Variants in RAVER1 observed in about 807,000 individuals in gnomAD.
RAVER1 encodes the protein ribonucleoprotein PTB-binding 1.
Under a neutral mutation model 68.4 loss-of-function variants are expected in RAVER1, and 36 were observed. The ratio of observed to expected loss-of-function variants is 0.53; its 90% CI spans 0.40 to 0.70. RAVER1 has a LOEUF of 0.70. RAVER1 is among the 30% of genes least tolerant of loss of function. RAVER1 has a pLI of 0.00. For synonymous variants in RAVER1, 469 were observed against 472.7 expected (o/e 0.99, Z 0.10); for missense variants, 933 against 1,019.8 (o/e 0.91, Z 1.16).
Position 10,323,151 on chromosome 19 carries a change from TC to T in RAVER1, c.1071del (p.Lys358SerfsTer149), listed in dbSNP as rs773370779. On this transcript the variant is annotated frameshift_variant, in exon 5 of 13. Coordinates refer to ENST00000617231, the MANE Select transcript of RAVER1 (RefSeq NM_133452.3). LOFTEE classifies it high-confidence loss of function. The surrounding 1 kb of genome is among the most constrained non-coding windows in gnomAD (Gnocchi z 6.2). ...CTGTCCAGCCCCACCTTACCCTGCTTCCCCCCCGCACTGCCATGGAGCAGGG... is the reference window on the plus strand; with the variant it reads ...CTGTCCAGCCCCACCTTACCCTGCTTCCCCCCGCACTGCCATGGAGCAGGG... ...LNPLLHGSAG[G>X]KQGLLGAPPA... The T allele has an allele frequency of 7.5e-6, 12 of 1,595,002 alleles. No homozygotes were observed. The highest frequency in any genetic ancestry group is 1.8e-5 in the Admixed American group (1 of 56,688).
At position 10,333,170 on chromosome 19, in the gene RAVER1, G is replaced by T; in HGVS notation, c.219+119C>A. ...TCTCTCCCGATCCCGCGTGGATCCG[G>T]TGCTTGGGCGCCCCCGCCAACGACC... On this transcript the variant is annotated intron_variant, in intron 1 of 12. Transcript: ENST00000617231. The surrounding 1 kb of genome is among the most constrained non-coding windows in gnomAD (Gnocchi z 4.2). 2.0e-6 allele frequency: 2 copies of T among 1,006,306 alleles called. No individual in the cohort carries two copies. The highest frequency in any genetic ancestry group is 3.3e-4 in the Middle Eastern group (1 of 3,072). The allele number at this position is 1,006,306 out of a possible 1,614,324, so 62.3% of individuals were successfully genotyped here.
At chr19:10,324,068 C>T (rs550305268) in intron 3 of RAVER1, among the ~76,000 whole-genome samples, 2 of 151,434 alleles carry the variant, frequency 1.3e-5, no homozygotes, top group Non-Finnish European at 2.9e-5. Context: ...GCAAGAGAGT[C>T]ACTTGAACCT....
chr19:10,328,507 G>GT lies in RAVER1; in HGVS notation c.756+134dup, dbSNP rs1293881483. On this transcript the variant is annotated intron_variant, in intron 3 of 12. Transcript: ENST00000617231. This position sits in a 1 kb window ranked among gnomAD's most constrained non-coding sequence, Gnocchi z 4.4. ...GCGGAGGTTGCAGTGAACTGAGATT[G>GT]TATCACTGCACTCCAGCATGGGTGA... The GT allele has an allele frequency of 1.1e-5, 7 of 632,358 alleles. No individual in the cohort carries two copies. The East Asian group carries it at 1.9e-4, about 17-fold the overall frequency. 39.2% of individuals were successfully genotyped at this position (632,358 alleles called of 1,614,324 possible). A position where few individuals can be genotyped will look rare whatever the true frequency, so the allele number is the denominator to read the frequency against.
In RAVER1 at chr19:10,322,243, T is replaced by C. The variant is rs281424; in HGVS notation, c.1173+402A>G. ...GTTTCTAGGTGTGCGTGTGTGTGTG[T>C]GCACACACTGAGGGGATAGACCTGG... On this transcript the variant is annotated intron_variant, in intron 6 of 12. Transcript: ENST00000617231. This position sits in a 1 kb window ranked among gnomAD's most constrained non-coding sequence, Gnocchi z 4.3. The C allele has an allele frequency of 0.74, 159,154 of 214,892 alleles. 59,601 individuals are homozygous for C. Among genetic ancestry groups the C allele is most frequent in the African/African-American group, 0.85 (35,939 of 42,416 alleles). The allele number at this position is 214,892 out of a possible 1,614,324, so 13.3% of individuals were successfully genotyped here. A position where few individuals can be genotyped will look rare whatever the true frequency, so the allele number is the denominator to read the frequency against.
rs569931807 is a variant in RAVER1 at position 10,321,172 on chromosome 19, C to T, written c.1349G>A (p.Arg450Gln). The T allele has an allele frequency of 8.7e-5, 112 of 1,286,734 alleles. No individual in the cohort carries two copies. In the Admixed American group the frequency reaches 1.2e-3, roughly 14 times the overall value. 79.7% of individuals were successfully genotyped at this position (1,286,734 alleles called of 1,614,324 possible). A position where few individuals can be genotyped will look rare whatever the true frequency, so the allele number is the denominator to read the frequency against. The change falls in exon 8 of 13, where the codon CGG becomes CAG. Residue 450 changes from arginine (R) to glutamine (Q), a missense_variant. By Grantham distance (43) the Arg-to-Gln change is conservative. Transcript: ENST00000617231. ...TGGGGGACCCAAGCCCAGGGCCTCC[C>T]GGTCACCCCCAGCAGGGCCAAGCAC... ...PSVLGPAGGDREALGLGPPAA... is the reference protein window; with the variant it reads ...PSVLGPAGGDQEALGLGPPAA...
rs767510405 is a variant in RAVER1 at position 10,317,434 on chromosome 19, T to C, written c.*20A>G. On this transcript the variant is annotated 3_prime_UTR_variant, in exon 13 of 13. Coordinates refer to ENST00000617231, the MANE Select transcript of RAVER1 (RefSeq NM_133452.3). The surrounding 1 kb of genome is among the most constrained non-coding windows in gnomAD (Gnocchi z 4.3). ...AAGCGATTTGGTGCAGGCCCTTGAG[T>C]TATCTCTGGTGCCAGCCACTTAGAA... 3.7e-6 allele frequency: 6 copies of C among 1,613,140 alleles called. No individual in the cohort carries two copies. Among genetic ancestry groups the C allele is most frequent in the Non-Finnish European group, 8.5e-7 (1 of 1,179,218 alleles).
At chr19:10,325,470 G>C (rs2040467967) in intron 3 of RAVER1, among the ~76,000 whole-genome samples, 1 of 151,854 alleles carries the variant, frequency 6.6e-6, no homozygotes, top group South Asian at 2.1e-4. Flanking sequence ...ACCTCGTGAT[G>C]CACCCACCTC....
Position 10,316,941 on chromosome 19 carries a change from T to G in RAVER1, c.*513A>C. ...AACAGCTGTTTCAAACCGCAAGGTG[T>G]GGAATGGTGGCCCGGACAGGCCGGG... On this transcript the variant is annotated 3_prime_UTR_variant, in exon 13 of 13. Coordinates refer to ENST00000617231, the MANE Select transcript of RAVER1 (RefSeq NM_133452.3). 1 of 162,218 alleles carries G rather than the reference T, an allele frequency of 6.2e-6. No individual in the cohort carries two copies. The highest frequency in any genetic ancestry group is 1.3e-5 in the Non-Finnish European group (1 of 75,204). 10.0% of individuals were successfully genotyped at this position (162,218 alleles called of 1,614,324 possible).
In RAVER1 at chr19:10,322,712, G is replaced by A. The variant is rs540122915; in HGVS notation, c.1106C>T (p.Pro369Leu). ...GGACAGGGCTGGCCCATTGAGCAGC[G>A]GCATGGCTGGGGGGGCACCCAGGAG... is the stretch of plus-strand genomic sequence containing the variant. Reference protein sequence around the residue: ...QGLLGAPPAMPLLNGPALSTA... With the variant: ...QGLLGAPPAMLLLNGPALSTA... The change falls in exon 6 of 13, where the codon CCG (proline) becomes CTG (leucine). Residue 369 changes from proline to leucine, a missense_variant. Transcript: ENST00000617231. The surrounding 1 kb of genome is among the most constrained non-coding windows in gnomAD (Gnocchi z 4.3). The A allele has an allele frequency of 1.5e-5, 23 of 1,520,898 alleles. No homozygotes were observed. The Admixed American group carries it at 3.4e-4, about 22-fold the overall frequency. The allele number at this position is 1,520,898 out of a possible 1,614,324, so 94.2% of individuals were successfully genotyped here.
rs956873251 is a variant in RAVER1, at chr19:10,322,284, A to G, written c.1173+361T>C. 6.0e-5 allele frequency: 16 copies of G among 267,862 alleles called. No homozygotes were observed. Among genetic ancestry groups the G allele is most frequent in the Non-Finnish European group, 9.1e-5 (13 of 142,374 alleles). The allele number at this position is 267,862 out of a possible 1,614,324, so 16.6% of individuals were successfully genotyped here. The stretch of plus-strand genomic sequence containing the variant: ...ATAGACCTGGAGTTTTTTCCCAGGC[A>G]TGTCTATAGAGCTTCCGAGCAGAGT... On this transcript the variant is annotated intron_variant, in intron 6 of 12. Transcript: ENST00000617231. The surrounding 1 kb of genome is among the most constrained non-coding windows in gnomAD (Gnocchi z 4.3).
Position 10,321,591 on chromosome 19 carries a change from G to A in RAVER1, c.1201C>T (p.Leu401=). 2 of 1,405,280 alleles carry A rather than the reference G, an allele frequency of 1.4e-6. No homozygotes were observed. The highest frequency in any genetic ancestry group is 3.7e-5 in the South Asian group (2 of 53,860). 87.1% of individuals were successfully genotyped at this position (1,405,280 alleles called of 1,614,324 possible). ...KKPGILGDSP[L]GALQPGAQPA... ...TGGGCCCCAGGCTGGAGGGCGCCCA[G>A]GGGTGAGTCTCCCAGGATGCCGGGC... The change falls in exon 7 of 13, where the codon CTG becomes TTG. Residue 401 remains leucine, a synonymous_variant. Coordinates refer to ENST00000617231, the MANE Select transcript of RAVER1 (RefSeq NM_133452.3).
At position 10,333,247 on chromosome 19, in the gene RAVER1, GTGGTATTTCCCGCCACGC is replaced by G; in HGVS notation, c.219+24_219+41del. The G allele has an allele frequency of 1.3e-6, 2 of 1,569,678 alleles. No homozygotes were observed. Among genetic ancestry groups the G allele is most frequent in the Non-Finnish European group, 8.7e-7 (1 of 1,150,920 alleles). On this transcript the variant is annotated intron_variant, in intron 1 of 12. Transcript: ENST00000617231. This position sits in a 1 kb window ranked among gnomAD's most constrained non-coding sequence, Gnocchi z 4.2. ...CCGGTTCCCCCCGCGCACGCGCACC[GTGGTATTTCCCGCCACGC>G]TCCTACACCGCCCCCCCCAATACCT... is the stretch of plus-strand genomic sequence containing the variant.
chr19:10,333,367 G>C lies in RAVER1; in HGVS notation c.141C>G (p.Arg47=). 1.2e-6 allele frequency: 2 copies of C among 1,613,912 alleles called. No individual in the cohort carries two copies. Among genetic ancestry groups the C allele is most frequent in the Non-Finnish European group, 1.7e-6 (2 of 1,179,794 alleles). Residue 47 remains arginine (R), a synonymous_variant, in exon 1 of 13, where the codon CGC becomes CGG. Coordinates refer to ENST00000617231, the MANE Select transcript of RAVER1 (RefSeq NM_133452.3). The surrounding 1 kb of genome is among the most constrained non-coding windows in gnomAD (Gnocchi z 4.2). ...GGAACTGGCGCTCGGTGTGTTCCAGGCGTTTCCGGATCTCTTCTGGATCTA... is the reference window on the plus strand; with the variant it reads ...GGAACTGGCGCTCGGTGTGTTCCAGCCGTTTCCGGATCTCTTCTGGATCTA... The part of the protein sequence containing the change: ...PPLDPEEIRK[R]LEHTERQFRN...
intron 9 of RAVER1, 101 bp from the exon 10 acceptor site, chr19:10,319,341 C>A: frequency 8.2e-7 from 1 of 1,223,468 alleles, no homozygotes; most frequent in South Asian, 1.3e-5. Context: ...ACAGTCCCCA[C>A]CACTCTGGGA....
chr19:10,320,104 G>A (rs1043649182), intron 9 of RAVER1, among the ~76,000 whole-genome samples: 7 of 152,132 alleles, frequency 4.6e-5, no homozygotes, highest in Non-Finnish European at 7.3e-5. Flanking sequence ...AAAGACAGAC[G>A]CAGGATGACA....
In RAVER1 at chr19:10,323,135, C is replaced by T; in HGVS notation, c.1078+10G>A. 1.3e-6 allele frequency: 2 copies of T among 1,575,430 alleles called. No individual in the cohort carries two copies. The highest frequency in any genetic ancestry group is 2.3e-5 in the East Asian group (1 of 43,330). Reference sequence around the variant, plus strand: ...CTGCACAGTGGGGCCCCTGTCCAGCCCCACCTTACCCTGCTTCCCCCCCGC... The same window carrying T: ...CTGCACAGTGGGGCCCCTGTCCAGCTCCACCTTACCCTGCTTCCCCCCCGC... On this transcript the variant is annotated intron_variant, in intron 5 of 12. Transcript: ENST00000617231. This position sits in a 1 kb window ranked among gnomAD's most constrained non-coding sequence, Gnocchi z 6.2.
rs748167514 is a variant in RAVER1, at chr19:10,329,115, C to T, written c.287-4G>A. On this transcript the variant is annotated splice_region_variant and splice_polypyrimidine_tract_variant and intron_variant, in intron 2 of 12. Transcript: ENST00000617231. The surrounding 1 kb of genome is among the most constrained non-coding windows in gnomAD (Gnocchi z 4.6). ...CCATTCAGCAGGGTCACGAAGGCTG[C>T]GGTGGGAGGAGGGCAGTGCGAGGTC... 8.2e-6 allele frequency: 12 copies of T among 1,458,402 alleles called. No individual in the cohort carries two copies. In the East Asian group the frequency reaches 2.0e-4, roughly 24 times the overall value. 90.3% of individuals were successfully genotyped at this position (1,458,402 alleles called of 1,614,324 possible).
chr19:10,330,272 G>T (rs1272035654), intron 2 of RAVER1, among the ~76,000 whole-genome samples, 188 bp downstream of exon 2: 2 of 152,214 alleles, frequency 1.3e-5, no homozygotes, highest in Admixed American at 1.3e-4. Context: ...CCGATGCCCA[G>T]TGTTCTCCAA....
In RAVER1 at chr19:10,329,900, T is replaced by G. The variant is rs1047382304; in HGVS notation, c.286+560A>C. 6.6e-6 allele frequency among the ~76,000 whole-genome samples: 1 copy of G among 151,936 alleles called. No homozygotes were observed. The highest frequency in any genetic ancestry group is 1.5e-5 in the Non-Finnish European group (1 of 67,978). ...CTGCTGTTTCTTGAGCATGGAACAC[T>G]GAGCCCCACCTCCTCACCTGGTTAA... On this transcript the variant is annotated intron_variant, in intron 2 of 12. Coordinates refer to ENST00000617231, the MANE Select transcript of RAVER1 (RefSeq NM_133452.3). This position sits in a 1 kb window ranked among gnomAD's most constrained non-coding sequence, Gnocchi z 4.6.
Sources: allele counts gnomAD v4.1 joint callset (sites outside exome capture counted in the v4.1 genomes callset), GRCh38; gene constraint gnomAD v4.1.1; non-coding constraint Gnocchi (gnomAD v3.1); transcripts MANE v1.5; gene names NCBI Gene and HGNC (gene_info 2026-07-23, HGNC 2026-07-21).